NLRC5: variants seen among roughly 807,000 people sequenced by gnomAD.
NLRC5 encodes the protein protein NLRC5.
A neutral mutation model predicts 206.9 loss-of-function variants in NLRC5; 114 were observed. The observed-to-expected ratio is 0.55, with a 90% confidence interval of 0.47 to 0.64. NLRC5 has a LOEUF of 0.64. Ranked by LOEUF, NLRC5 falls within the 30% of genes least tolerant of loss-of-function variation. The pLI is 0.00. For synonymous variants in NLRC5, 952 were observed against 962.8 expected, an observed-to-expected ratio of 0.99 and a Z score of 0.21; for missense variants, 2,008 against 2,305.5, an observed-to-expected ratio of 0.87 and a Z score of 2.64.
At chr16:57,029,731 C>T (rs1490926939) in intron 8 of NLRC5, 42 bp from the exon 9 acceptor site, 1 of 1,584,652 alleles carries the variant, frequency 6.3e-7, no homozygotes, top group Non-Finnish European at 8.7e-7. Flanking sequence ...TGCAAGTGCC[C>T]CAACCCCAGG....
At chr16:57,033,147 T>C (rs944664325) in intron 11 of NLRC5, among the ~76,000 whole-genome samples, 3 of 152,226 alleles carry the variant, frequency 2.0e-5, no homozygotes, top group Non-Finnish European at 4.4e-5. Context: ...ATACAGCTCA[T>C]GCTCCTCGCC....
intron 1 of NLRC5, 145 bp from the exon 2 acceptor site, chr16:57,016,929 C>T (rs16942394): frequency 0.4 from 61,396 of 152,498 alleles, 13,245 homozygotes; most frequent in East Asian, 0.52. Flanking sequence ...CAAGGTCTAG[C>T]GGATGGAGTT....
Position 57,026,800 on chromosome 16 carries a change from G to A in NLRC5, c.1857G>A (p.Val619=). 6.2e-7 allele frequency: 1 copy of A among 1,614,104 alleles called. No individual in the cohort carries two copies. The highest frequency in any genetic ancestry group is 8.5e-7 in the Non-Finnish European group (1 of 1,180,000). ...AGGTTGTAGAGCTGTGTCACTGTGTGGATGAGACACAGGAGCCTGAGCTGG... is the reference window on the plus strand; with the variant it reads ...AGGTTGTAGAGCTGTGTCACTGTGTAGATGAGACACAGGAGCCTGAGCTGG... The part of the protein sequence containing the change: ...GPKVVELCHC[V]DETQEPELAS... The change falls in exon 6 of 49, where the codon GTG becomes GTA. Residue 619 remains valine (V), a synonymous_variant. Transcript: ENST00000688547.
chr16:57,028,833 GCGCACACATGCACCTTTAACTACATGTA>G (rs2061504700), intron 8 of NLRC5, among the ~76,000 whole-genome samples: 1 of 152,164 alleles, frequency 6.6e-6, no homozygotes, highest in Non-Finnish European at 1.5e-5. Flanking sequence ...CATGTATGCA[GCGCACACATGCACCTTTAACTACATGTA>G]CACATTTTGA....
At chr16:56,997,231 A>G (rs187167367) in intron 1 of NLRC5, among the ~76,000 whole-genome samples, 41 of 152,250 alleles carry the variant, frequency 2.7e-4, no homozygotes, top group African/African-American at 9.6e-5. Flanking sequence ...TTCTTCATCT[A>G]TGAAATGCAG....
chr16:57,008,868 C>A (rs1170713235), intron 1 of NLRC5, among the ~76,000 whole-genome samples: 1 of 152,014 alleles, frequency 6.6e-6, no homozygotes, highest in Non-Finnish European at 1.5e-5. Context: ...AGGGACCATT[C>A]CAGCAAAATT....
At chr16:57,054,954 G>A (rs551590634) in intron 25 of NLRC5, 78 bp from the exon 26 acceptor site, 200 of 1,595,884 alleles carry the variant, frequency 1.3e-4, no homozygotes, top group East Asian at 4.7e-4. Flanking sequence ...CTGGGCTTCC[G>A]GAGGAGGGGT....
chr16:57,017,784 A>G (rs542595039), intron 2 of NLRC5, among the ~76,000 whole-genome samples: 1 of 152,308 alleles, frequency 6.6e-6, no homozygotes, highest in African/African-American at 2.4e-5. Context: ...GCTGTGCCCA[A>G]TTTCAAGGAG....
chr16:57,028,805 C>G (rs2061500582), intron 8 of NLRC5, among the ~76,000 whole-genome samples: 1 of 152,204 alleles, frequency 6.6e-6, no homozygotes, highest in African/African-American at 2.4e-5. Context: ...CCCACACATG[C>G]CCACTCATAG....
intron 13 of NLRC5, among the ~76,000 whole-genome samples, chr16:57,035,869 A>G (rs1432953823): frequency 6.6e-6 from 1 of 152,214 alleles, no homozygotes; most frequent in Non-Finnish European, 1.5e-5. Flanking sequence ...TAAGGTGAGG[A>G]TAATTACAGT....
intron 39 of NLRC5, among the ~76,000 whole-genome samples, chr16:57,075,146 T>A (rs1274097680): frequency 1.3e-5 from 2 of 150,028 alleles, no homozygotes; most frequent in Admixed American, 6.7e-5. Context: ...GCGAACGTGA[T>A]CCTCCTGCCT....
Position 57,074,581 on chromosome 16 carries a change from C to G in NLRC5, c.4668-19C>G. On this transcript the variant is annotated intron_variant, in intron 38 of 48. Coordinates refer to ENST00000688547, the MANE Select transcript of NLRC5 (RefSeq NM_001384950.1). ...CCCCACCCCCAGATGTCAAGTTCAC[C>G]TGGCCTCCTCTTCTCCAGCCTCAGT... 1.2e-6 allele frequency: 2 copies of G among 1,612,806 alleles called. No individual in the cohort carries two copies. The highest frequency in any genetic ancestry group is 1.7e-6 in the Non-Finnish European group (2 of 1,178,864).
At position 56,998,394 on chromosome 16, in the gene NLRC5, C is replaced by A. The variant is rs145299143; in HGVS notation, c.-128+8777C>A. Reference sequence around the variant, plus strand: ...TATGTTTCCAGAACTTTATCTAAACCTTCACATAATAAAAATAATTCTTAT... The same window carrying A: ...TATGTTTCCAGAACTTTATCTAAACATTCACATAATAAAAATAATTCTTAT... On this transcript the variant is annotated intron_variant, in intron 1 of 48. Coordinates refer to ENST00000688547, the MANE Select transcript of NLRC5 (RefSeq NM_001384950.1). Among the ~76,000 whole-genome samples, 372 of 152,242 alleles carry A rather than the reference C, an allele frequency of 2.4e-3. 1 individual carries two copies. The highest frequency in any genetic ancestry group is 0.014 in the Middle Eastern group (4 of 294).
intron 5 of NLRC5, 86 bp downstream of exon 5, chr16:57,023,939 C>G (rs2060971939): frequency 8.1e-7 from 1 of 1,235,812 alleles, no homozygotes; most frequent in African/African-American, 1.5e-5. Context: ...TGTCCCCTGC[C>G]AATAAGCCTC....
intron 34 of NLRC5, among the ~76,000 whole-genome samples, chr16:57,067,166 C>G (rs980759239): frequency 6.6e-6 from 1 of 152,224 alleles, no homozygotes; most frequent in Non-Finnish European, 1.5e-5. Context: ...CTCACCTCCT[C>G]GGCTGTGTGT....
chr16:57,016,616 A>G (rs752648232), intron 1 of NLRC5, among the ~76,000 whole-genome samples: 5 of 152,206 alleles, frequency 3.3e-5, no homozygotes, highest in Non-Finnish European at 5.9e-5. Context: ...GTTTACTCTC[A>G]ATTGTTTAAA....
In NLRC5 at chr16:57,020,953, G is replaced by A. The variant is rs2060604567; in HGVS notation, c.241G>A (p.Glu81Lys). 6.2e-7 allele frequency: 1 copy of A among 1,613,972 alleles called. No homozygotes were observed. Among genetic ancestry groups the A allele is most frequent in the African/African-American group, 1.3e-5 (1 of 74,886 alleles). ...SFIHCVCMQL[E>K]VPLDLEVLLL... Reference sequence around the variant, plus strand: ...CATTCATTGTGTGTGCATGCAGCTGGAGGTGCCTCTGGACCTGGAGGTGCT... The same window carrying A: ...CATTCATTGTGTGTGCATGCAGCTGAAGGTGCCTCTGGACCTGGAGGTGCT... The change falls in exon 3 of 49, where the codon GAG becomes AAG. Residue 81 changes from glutamate to lysine, a missense_variant. Transcript: ENST00000688547.
intron 39 of NLRC5, among the ~76,000 whole-genome samples, chr16:57,075,410 G>A (rs2068277377): frequency 6.6e-6 from 1 of 152,134 alleles, no homozygotes. Context: ...GGTAGAGACA[G>A]TGTTTCTCCA....
At chr16:57,045,208 G>C (rs1421186380) in intron 20 of NLRC5, 1 of 512,504 alleles carries the variant, frequency 2.0e-6, no homozygotes, top group Non-Finnish European at 3.6e-6. Flanking sequence ...CCCTTTCTTC[G>C]AAACAACAAC....
Sources: allele counts gnomAD v4.1 joint callset (sites outside exome capture counted in the v4.1 genomes callset), GRCh38; gene constraint gnomAD v4.1.1; transcripts MANE v1.5; gene names NCBI Gene and HGNC (gene_info 2026-07-23, HGNC 2026-07-21).